Variants in MAPK8IP3 observed in about 807,000 individuals in gnomAD.
MAPK8IP3 encodes the protein mitogen-activated protein kinase 8 interacting protein 3, also known as C-Jun-amino-terminal kinase-interacting protein 3.
Under a neutral mutation model 157.8 loss-of-function variants are expected in MAPK8IP3, and 49 were observed. The ratio of observed to expected loss-of-function variants is 0.31; its 90% CI spans 0.25 to 0.39. The LOEUF (loss-of-function observed/expected upper bound fraction) is 0.39. Ranked by LOEUF, MAPK8IP3 falls within the 10% of genes least tolerant of loss-of-function variation. The pLI is 1.00. For missense variants in MAPK8IP3, 1,478 were observed against 1,889.4 expected (o/e 0.78, Z 4.04); for synonymous variants, 897 against 777.7 (o/e 1.15, Z -2.55).
chr16:1,729,706 C>A, intron 4 of MAPK8IP3, 128 bp downstream of exon 4: 1 of 875,736 alleles, frequency 1.1e-6, no homozygotes, highest in Non-Finnish European at 1.8e-6. Context: ...ACAGGGAACA[C>A]TCTGGAGACC....
Position 1,724,771 on chromosome 16 carries a change from G to T in MAPK8IP3, c.439+94G>T, listed in dbSNP as rs991683263. The T allele has an allele frequency of 4.0e-6, 6 of 1,512,544 alleles. No individual in the cohort carries two copies. The African/African-American group carries it at 6.9e-5, about 17-fold the overall frequency. The allele number at this position is 1,512,544 out of a possible 1,614,324, so 93.7% of individuals were successfully genotyped here. A position where few individuals can be genotyped will look rare whatever the true frequency, so the allele number is the denominator to read the frequency against. The stretch of plus-strand genomic sequence containing the variant: ...GGGCATGGAGCGCCTTCCACACAAG[G>T]GGACGAGAGGAAGCCCAGTGGGAGC... On this transcript the variant is annotated intron_variant, in intron 2 of 31. Coordinates refer to ENST00000610761, the MANE Select transcript of MAPK8IP3 (RefSeq NM_001318852.2). The surrounding 1 kb of genome is among the most constrained non-coding windows in gnomAD (Gnocchi z 4.1).
intron 19 of MAPK8IP3, 118 bp downstream of exon 19, chr16:1,764,577 A>C: frequency 7.4e-7 from 1 of 1,358,494 alleles, no homozygotes; most frequent in African/African-American, 1.4e-5. Context: ...GAAGCAGGGC[A>C]GCGCAGGGGC....
intron 1 of MAPK8IP3, among the ~76,000 whole-genome samples, chr16:1,718,826 G>GC (rs1346321395): frequency 6.6e-6 from 1 of 150,636 alleles, no homozygotes; most frequent in Non-Finnish European, 1.5e-5. Context: ...ACCCCCAGAA[G>GC]CCCCATCAGA....
At chr16:1,709,682 C>G (rs1443121557) in intron 1 of MAPK8IP3, among the ~76,000 whole-genome samples, 1 of 152,226 alleles carries the variant, frequency 6.6e-6, no homozygotes, top group African/African-American at 2.4e-5. Context: ...TGGGGGCTGG[C>G]AAGGAGCAGA....
intron 4 of MAPK8IP3, among the ~76,000 whole-genome samples, chr16:1,739,677 A>ACCATCCGTGT (rs2040495846): frequency 2.0e-4 from 8 of 39,524 alleles, no homozygotes; most frequent in African/African-American, 7.9e-4. Context: ...CGTTCGTGTG[A>ACCATCCGTGT]GTGACCGTCC....
At chr16:1,747,348 T>G in intron 6 of MAPK8IP3, 73 bp downstream of exon 6, 1 of 1,562,456 alleles carries the variant, frequency 6.4e-7, no homozygotes, top group Non-Finnish European at 8.7e-7. Flanking sequence ...GATGTGAAAC[T>G]AATGCACCAG....
At position 1,765,013 on chromosome 16, in the gene MAPK8IP3, G is replaced by A; in HGVS notation, c.2281G>A (p.Ala761Thr). ...SAHTSPEKKK[A>T]KELPEMDATS... ...ACCTTGATCCCGTGCCCTGAAACAGGCCAAGGAGCTCCCTGAAATGGACGC... is the reference window on the plus strand; with the variant it reads ...ACCTTGATCCCGTGCCCTGAAACAGACCAAGGAGCTCCCTGAAATGGACGC... The change falls in exon 20 of 32, where the codon GCC becomes ACC. Residue 761 changes from alanine to threonine, a missense_variant and splice_region_variant. Physicochemically the swap from Ala to Thr is moderately conservative, Grantham distance 58 (BLOSUM62 0). Around this residue, in one of 11 missense-constraint regions of MAPK8IP3, gnomAD observed 669 missense variants for 759.8 expected, o/e 0.88. Transcript: ENST00000610761. 1 of 1,604,132 alleles carries A rather than the reference G, an allele frequency of 6.2e-7. No homozygotes were observed. The highest frequency in any genetic ancestry group is 1.7e-4 in the Middle Eastern group (1 of 6,026).
rs2040784620 is a variant in MAPK8IP3 at position 1,743,312 on chromosome 16, C to T, written c.603-20C>T. On this transcript the variant is annotated intron_variant, in intron 4 of 31. Transcript: ENST00000610761. This position sits in a 1 kb window ranked among gnomAD's most constrained non-coding sequence, Gnocchi z 5.6. Reference sequence around the variant, plus strand: ...CCACCCTCTAACCATCGCTTCCTCTCCTCTCGCCCCCCATTTCAGCAGGAA... The same window carrying T: ...CCACCCTCTAACCATCGCTTCCTCTTCTCTCGCCCCCCATTTCAGCAGGAA... 6.5e-7 allele frequency: 1 copy of T among 1,541,316 alleles called. No homozygotes were observed. The highest frequency in any genetic ancestry group is 2.5e-5 in the East Asian group (1 of 39,448).
intron 1 of MAPK8IP3, among the ~76,000 whole-genome samples, chr16:1,719,973 A>T (rs140581284): frequency 6.6e-6 from 1 of 152,240 alleles, no homozygotes; most frequent in Non-Finnish European, 1.5e-5. Context: ...TTAGCAGTGC[A>T]TGACCGCAGC....
At position 1,748,325 on chromosome 16, in the gene MAPK8IP3, G is replaced by A. The variant is rs753121050; in HGVS notation, c.1076G>A (p.Arg359His). ...GAGCTGGACATGTGTCCAGAGACCC[G>A]CCTGGACCGCACAGGAAGCAGGTAC... is the stretch of plus-strand genomic sequence containing the variant. ...TPELDMCPET[R>H]LDRTGSSPTQ... The change falls in exon 7 of 32, where the codon CGC becomes CAC. Residue 359 changes from arginine (R) to histidine (H), a missense_variant. Physicochemically the swap from Arg to His is conservative, Grantham distance 29 (BLOSUM62 0). Coordinates refer to ENST00000610761, the MANE Select transcript of MAPK8IP3 (RefSeq NM_001318852.2). The A allele has an allele frequency of 1.6e-5, 26 of 1,613,538 alleles. 1 individual carries two copies. Among genetic ancestry groups the A allele is most frequent in the South Asian group, 9.9e-5 (9 of 91,088 alleles).
At chr16:1,735,542 C>CGTCTGTGTGCCT in intron 4 of MAPK8IP3, among the ~76,000 whole-genome samples, 1 of 128,010 alleles carries the variant, frequency 7.8e-6, no homozygotes. Flanking sequence ...TCCGTGTGAG[C>CGTCTGTGTGCCT]GTCCGTGTGA....
At chr16:1,729,431 G>C in intron 3 of MAPK8IP3, 56 bp from the exon 4 acceptor site, 4 of 1,517,176 alleles carry the variant, frequency 2.6e-6, no homozygotes, top group Non-Finnish European at 3.6e-6. Context: ...ACAGGTTAGA[G>C]GGGACGGAGA....
intron 8 of MAPK8IP3, among the ~76,000 whole-genome samples, chr16:1,757,169 G>A (rs1004557987): frequency 2.1e-4 from 32 of 152,052 alleles, no homozygotes; most frequent in African/African-American, 7.7e-4. Flanking sequence ...GCAGTGGCGT[G>A]ATCTCAGCTC....
At chr16:1,721,648 A>G (rs2038529590) in intron 1 of MAPK8IP3, among the ~76,000 whole-genome samples, 1 of 152,106 alleles carries the variant, frequency 6.6e-6, no homozygotes, top group African/African-American at 2.4e-5. Context: ...ACGGAATTTC[A>G]CCATGTTGCA....
At chr16:1,750,631 C>T (rs1244025739) in intron 8 of MAPK8IP3, among the ~76,000 whole-genome samples, 1 of 151,192 alleles carries the variant, frequency 6.6e-6, no homozygotes, top group Non-Finnish European at 1.5e-5. Context: ...AGGGAACCTC[C>T]CCACCATGCT....
intron 2 of MAPK8IP3, among the ~76,000 whole-genome samples, chr16:1,727,466 GT>G (rs1186039344): frequency 6.6e-6 from 1 of 152,184 alleles, no homozygotes. Context: ...GTTGTGTGCG[GT>G]GTCTGTACAT....
rs1253246184 is a variant in MAPK8IP3, at chr16:1,768,960, C to T, written c.*136C>T. On this transcript the variant is annotated 3_prime_UTR_variant, in exon 32 of 32. Transcript: ENST00000610761. ...ACCTGCAGCTTTCACCTGAGTCTGG[C>T]CCCTCCAGCGGGCAGGGAGTGCGGG... is the stretch of plus-strand genomic sequence containing the variant. The T allele has an allele frequency of 3.3e-5, 35 of 1,045,546 alleles. No individual in the cohort carries two copies. The highest frequency in any genetic ancestry group is 4.7e-5 in the Non-Finnish European group (34 of 725,688). The allele number at this position is 1,045,546 out of a possible 1,614,324, so 64.8% of individuals were successfully genotyped here. A position where few individuals can be genotyped will look rare whatever the true frequency, so the allele number is the denominator to read the frequency against.
rs754310490 is a variant in MAPK8IP3 at position 1,747,290 on chromosome 16, C to G, written c.994+15C>G. 4 of 1,608,168 alleles carry G rather than the reference C, an allele frequency of 2.5e-6. No individual in the cohort carries two copies. The African/African-American group carries it at 5.3e-5, about 21-fold the overall frequency. On this transcript the variant is annotated intron_variant, in intron 6 of 31. Transcript: ENST00000610761. Reference sequence around the variant, plus strand: ...CGTCAGTATAGGTGGGTGCCCACCTCCGGGACTCTGGGCTCCCTCGGGCAG... The same window carrying G: ...CGTCAGTATAGGTGGGTGCCCACCTGCGGGACTCTGGGCTCCCTCGGGCAG...
At chr16:1,738,166 G>A (rs2040199441) in intron 4 of MAPK8IP3, among the ~76,000 whole-genome samples, 1 of 95,930 alleles carries the variant, frequency 1.0e-5, no homozygotes, top group African/African-American at 4.7e-5. Flanking sequence ...GCATCTGTGT[G>A]ACCGTCCGTG....
Sources: allele counts gnomAD v4.1 joint callset (sites outside exome capture counted in the v4.1 genomes callset), GRCh38; gene constraint gnomAD v4.1.1; regional missense constraint gnomAD v4.1.1; non-coding constraint Gnocchi (gnomAD v3.1); transcripts MANE v1.5; gene names NCBI Gene and HGNC (gene_info 2026-07-23, HGNC 2026-07-21).